The following RANBP2 variants were observed in gnomAD, a reference collection of about 807,000 sequenced individuals.
RANBP2 encodes the protein E3 SUMO-protein ligase RanBP2.
In RANBP2, 57 loss-of-function variants were observed where a neutral mutation model predicts 303.6. The observed-to-expected ratio is 0.19, with a 90% CI of 0.15 to 0.23. RANBP2 has a LOEUF of 0.23. Among genes scored for constraint, RANBP2 ranks in the 10% least tolerant of loss-of-function variants. The pLI is 1.00. For missense variants in RANBP2, 3,138 were observed against 3,780.8 expected, an observed-to-expected ratio of 0.83 and a Z score of 4.46; for synonymous variants, 1,167 against 1,301.5, an observed-to-expected ratio of 0.90 and a Z score of 2.23.
chr2:108,992,777 T>C, the RANBP2 span, among the ~76,000 whole-genome samples: 1 of 152,238 alleles, frequency 6.6e-6, no homozygotes, highest in Non-Finnish European at 1.5e-5. Context: ...GCTTCAAATT[T>C]GTCCCACAAC....
the RANBP2 span, among the ~76,000 whole-genome samples, chr2:109,311,960 A>C: frequency 6.6e-6 from 1 of 152,172 alleles, no homozygotes; most frequent in African/African-American, 2.4e-5. Context: ...GATGTCTTCC[A>C]TGAGTCGTGG....
At position 108,749,024 on chromosome 2, in the gene RANBP2, T is replaced by C. The variant is rs758874401; in HGVS notation, c.1168T>C (p.Phe390Leu). Reference protein sequence around the residue: ...SGQSALYDALFSSQSPKDTSF... With the variant: ...SGQSALYDALLSSQSPKDTSF... ...GCAGTCTGCATTATATGATGCTCTG[T>C]TTTCTAGTCAGTCACCTAAGGATAC... Residue 390 changes from phenylalanine to leucine, a missense_variant, in exon 9 of 29, where the codon TTT (phenylalanine) becomes CTT (leucine). Physicochemically the swap from Phe to Leu is conservative, Grantham distance 22. This residue lies in a region of RANBP2 where 95 missense variants were observed against 86.4 expected (regional missense o/e 1.10). Coordinates refer to ENST00000283195, the MANE Select transcript of RANBP2 (RefSeq NM_006267.5). 4 of 1,612,008 alleles carry C rather than the reference T, an allele frequency of 2.5e-6. No individual in the cohort carries two copies. Among genetic ancestry groups the C allele is most frequent in the South Asian group, 1.1e-5 (1 of 90,986 alleles).
chr2:109,303,731 G>T, the RANBP2 span, among the ~76,000 whole-genome samples: 4 of 152,274 alleles, frequency 2.6e-5, no homozygotes, highest in East Asian at 7.7e-4. Flanking sequence ...GGCCTGGTTG[G>T]CATATAAAAA....
At chr2:109,180,961 C>T in the RANBP2 span, among the ~76,000 whole-genome samples, 2 of 152,176 alleles carry the variant, frequency 1.3e-5, no homozygotes, top group Admixed American at 6.5e-5. Flanking sequence ...AATATGTTTA[C>T]CCTGATGCAA....
At chr2:109,229,536 G>A in the RANBP2 span, among the ~76,000 whole-genome samples, 10 of 152,112 alleles carry the variant, frequency 6.6e-5, no homozygotes, top group Admixed American at 4.6e-4. Context: ...AGCCCGATAC[G>A]GGAGGGATTT....
At chr2:109,128,903 A>G in the RANBP2 span, 1 of 329,756 alleles carries the variant, frequency 3.0e-6, no homozygotes, top group Non-Finnish European at 6.2e-6. Flanking sequence ...GCTTGCGCCC[A>G]AGCGAAGGGA....
the RANBP2 span, among the ~76,000 whole-genome samples, chr2:109,250,412 TTTC>T: frequency 1.3e-5 from 2 of 152,156 alleles, no homozygotes; most frequent in African/African-American, 4.8e-5. Flanking sequence ...TACAACTTCG[TTTC>T]TTCATGAAAC....
At chr2:109,059,522 G>C in the RANBP2 span, among the ~76,000 whole-genome samples, 2 of 151,828 alleles carry the variant, frequency 1.3e-5, no homozygotes, top group African/African-American at 4.8e-5. Context: ...CTTGCACTGA[G>C]CTGAGATCAC....
the RANBP2 span, among the ~76,000 whole-genome samples, chr2:109,599,504 AGCAAGATAAG>A: frequency 6.6e-6 from 1 of 150,920 alleles, no homozygotes; most frequent in South Asian, 2.1e-4. Context: ...ACCAAGAGTG[AGCAAGATAAG>A]GCAGCAGCAA....
chr2:109,081,045 G>A, the RANBP2 span, among the ~76,000 whole-genome samples: 2 of 152,222 alleles, frequency 1.3e-5, no homozygotes, highest in Non-Finnish European at 2.9e-5. Context: ...AGCACTTGAT[G>A]TGTGCCTGCC....
chr2:109,122,863 CCT>C, the RANBP2 span, among the ~76,000 whole-genome samples: 32 of 152,056 alleles, frequency 2.1e-4, no homozygotes, highest in Non-Finnish European at 4.1e-4. Flanking sequence ...AGAGGGAGAC[CCT>C]GTTTCTTTCA....
the RANBP2 span, among the ~76,000 whole-genome samples, chr2:109,358,029 A>G: frequency 3.3e-5 from 5 of 152,086 alleles, no homozygotes; most frequent in Non-Finnish European, 7.3e-5. Flanking sequence ...TGCCCTGAAA[A>G]TCCTCTGACC....
At chr2:109,317,762 C>G in the RANBP2 span, among the ~76,000 whole-genome samples, 57 of 152,264 alleles carry the variant, frequency 3.7e-4, no homozygotes, top group South Asian at 6.0e-3. Flanking sequence ...GGCTTCTGCT[C>G]GTGAGTGCCT....
At chr2:109,058,856 G>A in the RANBP2 span, among the ~76,000 whole-genome samples, 262 of 152,294 alleles carry the variant, frequency 1.7e-3, no homozygotes, top group African/African-American at 6.1e-3. Flanking sequence ...GTGAGTTGGG[G>A]AGGGGGCCTG....
chr2:108,781,929 G>T (rs546723707), intron 26 of RANBP2, among the ~76,000 whole-genome samples, 199 bp from the exon 27 acceptor site: 1 of 152,262 alleles, frequency 6.6e-6, no homozygotes, highest in South Asian at 2.1e-4. Flanking sequence ...AAAAGAAAAT[G>T]TTTAATGATA....
At chr2:109,125,610 GC>G in the RANBP2 span, among the ~76,000 whole-genome samples, 1 of 152,158 alleles carries the variant, frequency 6.6e-6, no homozygotes, top group Non-Finnish European at 1.5e-5. Flanking sequence ...TTTCATGAAG[GC>G]ATCCGAAGAT....
chr2:109,078,113 TATATA>T, the RANBP2 span, among the ~76,000 whole-genome samples: 214 of 85,886 alleles, frequency 2.5e-3, 3 homozygotes, highest in East Asian at 3.4e-3. Flanking sequence ...TATATATATA[TATATA>T]GCGTGTATAT....
At chr2:109,472,101 A>T in the RANBP2 span, among the ~76,000 whole-genome samples, 1 of 152,240 alleles carries the variant, frequency 6.6e-6, no homozygotes, top group African/African-American at 2.4e-5. Flanking sequence ...TATTAATTAG[A>T]TTGTTAATTA....
chr2:109,396,435 C>G, the RANBP2 span, among the ~76,000 whole-genome samples: 2 of 152,318 alleles, frequency 1.3e-5, no homozygotes, highest in African/African-American at 4.8e-5. Context: ...GTGCCTGGGC[C>G]GGGTCTGAAG....
Sources: gnomAD v4.1 joint callset for allele counts (sites outside exome capture counted in the v4.1 genomes callset) on GRCh38, gnomAD v4.1.1 for gene constraint, gnomAD v4.1.1 regional missense constraint, MANE v1.5 for transcripts, NCBI Gene and HGNC (gene_info 2026-07-23, HGNC 2026-07-21) for gene names.